The following IFRD1 variants were observed in gnomAD, a reference collection of about 807,000 sequenced individuals.
The protein encoded by IFRD1 is interferon-related developmental regulator 1.
In IFRD1, 35 loss-of-function variants were observed where a neutral mutation model predicts 52.9. That is an observed-to-expected ratio of 0.66 (90% CI 0.51 to 0.88). IFRD1 has a LOEUF of 0.88. Ranked by LOEUF, IFRD1 falls within the 40% of genes least tolerant of loss-of-function variation. The probability of loss-of-function intolerance (pLI) is 0.00; values close to 1 mark genes in which losing one functional copy is unlikely to be tolerated. For synonymous variants in IFRD1, 184 were observed against 188.4 expected (o/e 0.98, Z 0.19); for missense variants, 517 against 550.8 (o/e 0.94, Z 0.61).
upstream of IFRD1, chr7:112,446,305 A>T: frequency 4.5e-6 from 1 of 221,740 alleles, no homozygotes; most frequent in Non-Finnish European, 9.6e-6. Flanking sequence ...ATTCTCATCC[A>T]CCTTACAGTA....
Position 112,462,154 on chromosome 7 carries a change from A to G in IFRD1, c.772A>G (p.Asn258Asp). Residue 258 changes from asparagine to aspartate, a missense_variant, in exon 7 of 12, where the codon AAT (asparagine) becomes GAT (aspartate). By Grantham distance (23) the Asn-to-Asp change is conservative (BLOSUM62 1). Transcript: ENST00000403825. Reference protein sequence around the residue: ...WTLLLTICPINEVKKKLEMHF... With the variant: ...WTLLLTICPIDEVKKKLEMHF... ...ACTACTGCTGACCATATGCCCAATC[A>G]ATGAAGTGAAGAAAAAGCTTGAGAT... is the stretch of plus-strand genomic sequence containing the variant. The G allele has an allele frequency of 6.2e-7, 1 of 1,613,844 alleles. No individual in the cohort carries two copies. Among genetic ancestry groups the G allele is most frequent in the Non-Finnish European group, 8.5e-7 (1 of 1,179,870 alleles).
upstream of IFRD1, among the ~76,000 whole-genome samples, chr7:112,446,548 G>A (rs1795034847): frequency 6.6e-6 from 1 of 152,210 alleles, no homozygotes; most frequent in South Asian, 2.1e-4. Flanking sequence ...TACTTTGGGA[G>A]AATATAAGCA....
At position 112,475,919 on chromosome 7, in the gene IFRD1, T is replaced by C. The variant is rs1795890586; in HGVS notation, c.*400T>C. ...AAGAGTTCTGGGTACAATTTTGGGA[T>C]CTAGTTCCCCTGGAAAAGCTGCTGT... On this transcript the variant is annotated 3_prime_UTR_variant, in exon 12 of 12. Coordinates refer to ENST00000403825, the MANE Select transcript of IFRD1 (RefSeq NM_001550.4). The C allele has an allele frequency of 6.0e-6, 1 of 167,214 alleles. No individual in the cohort carries two copies. The highest frequency in any genetic ancestry group is 1.3e-5 in the Non-Finnish European group (1 of 77,510). The allele number at this position is 167,214 out of a possible 1,614,324, so 10.4% of individuals were successfully genotyped here.
At chr7:112,450,885 A>G (rs1258429568) in intron 1 of IFRD1, 103 bp downstream of exon 1, 17 of 815,232 alleles carry the variant, frequency 2.1e-5, no homozygotes, top group Non-Finnish European at 3.3e-5. Context: ...TGATGTACAC[A>G]TTTGCATTTC....
chr7:112,455,517 A>G (rs1187522627), intron 1 of IFRD1, among the ~76,000 whole-genome samples: 1 of 152,072 alleles, frequency 6.6e-6, no homozygotes, highest in Non-Finnish European at 1.5e-5. Context: ...AACAAAAAAA[A>G]GAATGCCTCT....
At position 112,426,978 on chromosome 7, in the gene IFRD1, T is replaced by C. The variant is rs1584460896; in HGVS notation, c.-182+3546T>C. 2.0e-5 allele frequency among the ~76,000 whole-genome samples: 3 copies of C among 152,250 alleles called. No homozygotes were observed. In the South Asian group the frequency reaches 6.2e-4, roughly 32 times the overall value. On this transcript the variant is annotated intron_variant, in intron 1 of 12. Transcript: ENST00000005558. Reference sequence around the variant, plus strand: ...CTTATATACGTTGATTCATGTCTCATGTCTCCCTAAAATGTATAAAACCAA... The same window carrying C: ...CTTATATACGTTGATTCATGTCTCACGTCTCCCTAAAATGTATAAAACCAA...
intron 4 of IFRD1, chr7:112,458,333 AT>A (rs11304602): frequency 0.13 from 17,655 of 136,530 alleles, 1,129 homozygotes; most frequent in South Asian, 0.27. Context: ...AAAAAAAAAA[AT>A]AAATAAAGTT....
chr7:112,440,496 T>C (rs994780905), intron 1 of IFRD1, among the ~76,000 whole-genome samples: 25 of 152,350 alleles, frequency 1.6e-4, no homozygotes, highest in Admixed American at 5.2e-4. Context: ...CAGTTTGGCA[T>C]AGGTTTTTAA....
At chr7:112,423,251 T>C (rs989146627) in exon 1 of IFRD1, 1 of 152,208 alleles carries the variant, frequency 6.6e-6, no homozygotes, top group African/African-American at 2.4e-5. Context: ...TTGATGTTCC[T>C]TTATTACTTA....
At chr7:112,473,275 T>C (rs988696538) in intron 11 of IFRD1, among the ~76,000 whole-genome samples, 14 of 152,198 alleles carry the variant, frequency 9.2e-5, no homozygotes, top group African/African-American at 3.4e-4. Flanking sequence ...TTTGTTTCTT[T>C]TTATTCTTTG....
rs940211957 is a variant in IFRD1 at position 112,452,109 on chromosome 7, A to G, written c.94+1327A>G. On this transcript the variant is annotated intron_variant, in intron 1 of 11. Coordinates refer to ENST00000403825, the MANE Select transcript of IFRD1 (RefSeq NM_001550.4). ...TTCATTCTTTATCAAGATGTAAAATATGTAATTTATTGTGGCCTCTGGTTG... is the reference window on the plus strand; with the variant it reads ...TTCATTCTTTATCAAGATGTAAAATGTGTAATTTATTGTGGCCTCTGGTTG... 11 of 982,218 alleles carry G rather than the reference A, an allele frequency of 1.1e-5. No individual in the cohort carries two copies. The African/African-American group carries it at 1.8e-4, about 16-fold the overall frequency. The allele number at this position is 982,218 out of a possible 1,614,324, so 60.8% of individuals were successfully genotyped here.
chr7:112,443,656 G>C (rs117085056), intron 1 of IFRD1, among the ~76,000 whole-genome samples: 4 of 152,070 alleles, frequency 2.6e-5, no homozygotes, highest in African/African-American at 9.6e-5. Context: ...TGGACCACTT[G>C]TCAGGAGTTC....
chr7:112,446,761 A>C (rs951986655), upstream of IFRD1, among the ~76,000 whole-genome samples: 11 of 152,112 alleles, frequency 7.2e-5, no homozygotes, highest in African/African-American at 2.7e-4. Context: ...TTGTGTTTTT[A>C]AGTTGGCAAA....
chr7:112,473,158 GTA>G (rs1795806296), intron 11 of IFRD1, among the ~76,000 whole-genome samples: 1 of 151,778 alleles, frequency 6.6e-6, no homozygotes. Context: ...CCCATTAGGT[GTA>G]TTTCTTTCAT....
In IFRD1 at chr7:112,450,597, C is replaced by T. The variant is rs1214569132; in HGVS notation, c.-92C>T. ...TGTTAGCCGAAGACTCGCCTCTCAG[C>T]CGCCCGCCGCACAGACGCACGAGTA... is the stretch of plus-strand genomic sequence containing the variant. On this transcript the variant is annotated 5_prime_UTR_variant, in exon 1 of 12. Transcript: ENST00000403825. 6.8e-6 allele frequency: 7 copies of T among 1,025,774 alleles called. No homozygotes were observed. Among genetic ancestry groups the T allele is most frequent in the South Asian group, 2.6e-5 (2 of 76,336 alleles). The allele number at this position is 1,025,774 out of a possible 1,614,324, so 63.5% of individuals were successfully genotyped here. A position where few individuals can be genotyped will look rare whatever the true frequency, so the allele number is the denominator to read the frequency against.
chr7:112,441,440 GA>G (rs34492608), intron 1 of IFRD1, among the ~76,000 whole-genome samples: 26 of 145,012 alleles, frequency 1.8e-4, no homozygotes, highest in Middle Eastern at 3.5e-3. Flanking sequence ...CACCATCTCA[GA>G]AAAAAAAAAA....
intron 4 of IFRD1, 84 bp from the exon 5 acceptor site, chr7:112,458,777 A>C: frequency 2.4e-6 from 3 of 1,243,290 alleles, no homozygotes; most frequent in Non-Finnish European, 2.4e-6. Context: ...CTATTTTGTC[A>C]TTGATCAAAT....
At chr7:112,454,859 T>TG in intron 1 of IFRD1, among the ~76,000 whole-genome samples, 1 of 17,560 alleles carries the variant, frequency 5.7e-5, no homozygotes, top group Non-Finnish European at 1.6e-4. Flanking sequence ...TCATATCAGT[T>TG]TTTTTTTTTT....
intron 1 of IFRD1, among the ~76,000 whole-genome samples, chr7:112,429,175 T>C (rs1794493550): frequency 6.6e-6 from 1 of 152,248 alleles, no homozygotes; most frequent in Admixed American, 6.5e-5. Context: ...TCTTGCTTTG[T>C]TTTTATCCCA....
Sources: allele counts gnomAD v4.1 joint callset (sites outside exome capture counted in the v4.1 genomes callset), GRCh38; gene constraint gnomAD v4.1.1; transcripts MANE v1.5; gene names NCBI Gene and HGNC (gene_info 2026-07-23, HGNC 2026-07-21).